The following SNX13 variants were observed in gnomAD, a reference collection of about 807,000 sequenced individuals.
The protein encoded by SNX13 is sorting nexin-13.
SNX13 carries 45 observed loss-of-function variants against 133.6 expected under a neutral mutation model. The observed-to-expected ratio is 0.34, with a 90% confidence interval of 0.27 to 0.43. The LOEUF (loss-of-function observed/expected upper bound fraction) is 0.43. Ranked by LOEUF, SNX13 falls within the 20% of genes least tolerant of loss-of-function variation. The pLI, the probability that SNX13 is intolerant of heterozygous loss-of-function variation, is 1.00. For synonymous variants in SNX13, 414 were observed against 373.9 expected (o/e 1.11, Z -1.24); for missense variants, 1,032 against 1,145.1 (o/e 0.90, Z 1.43).
chr7:17,822,282 T>C (rs917107419), intron 17 of SNX13, among the ~76,000 whole-genome samples: 7 of 152,114 alleles, frequency 4.6e-5, no homozygotes, highest in Admixed American at 1.3e-4. Context: ...AGCCTGTTCC[T>C]ATTTTGTACT....
At chr7:17,934,760 G>C (rs1014344012) in intron 1 of SNX13, among the ~76,000 whole-genome samples, 2 of 152,050 alleles carry the variant, frequency 1.3e-5, no homozygotes, top group African/African-American at 2.4e-5. Context: ...ACATAAATCT[G>C]GCCAACAAAT....
At chr7:17,801,191 TA>T in intron 22 of SNX13, among the ~76,000 whole-genome samples, 1 of 151,418 alleles carries the variant, frequency 6.6e-6, no homozygotes, top group Non-Finnish European at 1.5e-5. Flanking sequence ...TGGAATACTA[TA>T]AAGCCACAAG....
intron 2 of SNX13, among the ~76,000 whole-genome samples, chr7:17,895,211 A>G (rs992358790): frequency 6.6e-6 from 1 of 152,228 alleles, no homozygotes; most frequent in African/African-American, 2.4e-5. Context: ...GTCTGATTTT[A>G]AAAGAACCTA....
chr7:17,855,185 T>C (rs372029863), intron 9 of SNX13, among the ~76,000 whole-genome samples: 36 of 152,226 alleles, frequency 2.4e-4, no homozygotes, highest in African/African-American at 7.9e-4. Context: ...TAAAGGCTGA[T>C]AGAGGTAAGG....
chr7:17,805,335 A>C (rs2128290570), intron 20 of SNX13, among the ~76,000 whole-genome samples: 1 of 152,104 alleles, frequency 6.6e-6, no homozygotes, highest in Middle Eastern at 3.4e-3. Context: ...GTATGTTCAA[A>C]TCAATCGGGA....
chr7:17,813,434 C>A (rs1205298468), intron 20 of SNX13, among the ~76,000 whole-genome samples: 1 of 152,118 alleles, frequency 6.6e-6, no homozygotes, highest in Non-Finnish European at 1.5e-5. Context: ...CACCCTAGAA[C>A]TTATTATTAA....
intron 20 of SNX13, among the ~76,000 whole-genome samples, chr7:17,805,715 C>CTATA (rs1220093679): frequency 3.3e-5 from 5 of 152,158 alleles, no homozygotes; most frequent in African/African-American, 9.6e-5. Flanking sequence ...AGGCATGAGG[C>CTATA]TATACTACCA....
intron 20 of SNX13, among the ~76,000 whole-genome samples, chr7:17,814,486 T>G (rs530441777): frequency 5.9e-5 from 9 of 152,124 alleles, no homozygotes; most frequent in Non-Finnish European, 8.8e-5. Context: ...CATATCCTGC[T>G]TAATATTTTT....
intron 8 of SNX13, 102 bp from the exon 9 acceptor site, chr7:17,868,592 A>C: frequency 1.2e-6 from 1 of 829,484 alleles, no homozygotes; most frequent in Non-Finnish European, 1.9e-6. Flanking sequence ...GAAAAGTATG[A>C]TATACATGTA....
intron 9 of SNX13, among the ~76,000 whole-genome samples, chr7:17,861,976 G>C (rs750755999): frequency 1.3e-5 from 2 of 152,132 alleles, no homozygotes; most frequent in African/African-American, 2.4e-5. Flanking sequence ...TTCTTGAGGA[G>C]GCAAGAAGTG....
At chr7:17,852,140 A>G (rs1791288247) in intron 9 of SNX13, among the ~76,000 whole-genome samples, 1 of 152,230 alleles carries the variant, frequency 6.6e-6, no homozygotes, top group Non-Finnish European at 1.5e-5. Flanking sequence ...TTGGTAGGCC[A>G]AGGCGGGCGG....
At position 17,869,866 on chromosome 7, in the gene SNX13, TCACACA is replaced by T. The variant is rs917123063; in HGVS notation, c.754-1382_754-1377del. The stretch of plus-strand genomic sequence containing the variant: ...TGCACTTTGTTAGGAGAAAATTTAC[TCACACA>T]CACACAGACACACACACACACACAC... On this transcript the variant is annotated intron_variant, in intron 8 of 25. Transcript: ENST00000428135. Among the ~76,000 whole-genome samples, 5 of 133,734 alleles carry T rather than the reference TCACACA, an allele frequency of 3.7e-5. No individual in the cohort carries two copies. The East Asian group carries it at 1.1e-3, about 29-fold the overall frequency. 87.7% of individuals were successfully genotyped at this position (133,734 alleles called of 152,430 possible).
intron 9 of SNX13, among the ~76,000 whole-genome samples, chr7:17,853,323 T>C (rs1283222235): frequency 1.3e-5 from 2 of 152,004 alleles, no homozygotes; most frequent in African/African-American, 4.8e-5. Flanking sequence ...TGACTGTAAA[T>C]AAAATTTAAA....
Position 17,790,858 on chromosome 7 carries a change from ATTG to A in SNX13, c.*3184_*3186del, listed in dbSNP as rs1052023233. 6.6e-6 allele frequency: 1 copy of A among 152,042 alleles called. No individual in the cohort carries two copies. Among genetic ancestry groups the A allele is most frequent in the African/African-American group, 2.4e-5 (1 of 41,450 alleles). 9.4% of individuals were successfully genotyped at this position (152,042 alleles called of 1,614,324 possible). A position where few individuals can be genotyped will look rare whatever the true frequency, so the allele number is the denominator to read the frequency against. On this transcript the variant is annotated 3_prime_UTR_variant, in exon 26 of 26. Transcript: ENST00000428135. ...TTGAATAAAAATAACTGACATTCTG[ATTG>A]TTGTTTCTTCTTTGTTAAAGAAAGA...
At chr7:17,894,028 C>A (rs930956773) in intron 2 of SNX13, among the ~76,000 whole-genome samples, 6 of 147,376 alleles carry the variant, frequency 4.1e-5, no homozygotes, top group African/African-American at 1.5e-4. Flanking sequence ...TCAGGCTGAG[C>A]ACAGTGGCTC....
At chr7:17,916,242 AAAAC>A (rs1799550549) in intron 1 of SNX13, among the ~76,000 whole-genome samples, 2 of 152,194 alleles carry the variant, frequency 1.3e-5, no homozygotes, top group South Asian at 4.1e-4. Context: ...TAGAAAAACA[AAAAC>A]AAACTCCAAA....
At chr7:17,837,674 G>A (rs916838247) in intron 13 of SNX13, among the ~76,000 whole-genome samples, 1 of 151,828 alleles carries the variant, frequency 6.6e-6, no homozygotes, top group East Asian at 1.9e-4. Context: ...ATACTTTGAA[G>A]CATAATGATG....
In SNX13 at chr7:17,816,114, G is replaced by A. The variant is rs1786628424; in HGVS notation, c.1953+68C>T. 1.0e-5 allele frequency: 15 copies of A among 1,440,062 alleles called. No homozygotes were observed. The South Asian group carries it at 2.0e-4, about 19-fold the overall frequency. The allele number at this position is 1,440,062 out of a possible 1,614,324, so 89.2% of individuals were successfully genotyped here. A position where few individuals can be genotyped will look rare whatever the true frequency, so the allele number is the denominator to read the frequency against. On this transcript the variant is annotated intron_variant, in intron 19 of 25. Coordinates refer to ENST00000428135, the MANE Select transcript of SNX13 (RefSeq NM_015132.5). ...AAACATTCTGTGTGCTATATTAAATGAAAAACATTCTACACCTGTGTGCTA... is the reference window on the plus strand; with the variant it reads ...AAACATTCTGTGTGCTATATTAAATAAAAAACATTCTACACCTGTGTGCTA...
At chr7:17,936,514 C>A (rs547986202) in intron 1 of SNX13, among the ~76,000 whole-genome samples, 3 of 152,156 alleles carry the variant, frequency 2.0e-5, no homozygotes, top group Non-Finnish European at 2.9e-5. Flanking sequence ...AAACACAGGA[C>A]AAGTGACAAC....
Sources: allele counts gnomAD v4.1 joint callset (sites outside exome capture counted in the v4.1 genomes callset), GRCh38; gene constraint gnomAD v4.1.1; transcripts MANE v1.5; gene names NCBI Gene and HGNC (gene_info 2026-07-23, HGNC 2026-07-21).